The following ZFHX3 variants were observed in gnomAD, a reference collection of about 807,000 sequenced individuals.
ZFHX3 encodes zinc finger homeobox protein 3.
A neutral mutation model predicts 279.1 loss-of-function variants in ZFHX3; 42 were observed. The ratio of observed to expected loss-of-function variants is 0.15; its 90% CI spans 0.12 to 0.19. ZFHX3 has a LOEUF of 0.19. Among genes scored for constraint, ZFHX3 ranks in the 10% least tolerant of loss-of-function variants. The probability of loss-of-function intolerance (pLI) is 1.00; values close to 1 mark genes in which losing one functional copy is unlikely to be tolerated. For synonymous variants in ZFHX3, 2,293 were observed against 1,957.8 expected (o/e 1.17, Z -4.52); for missense variants, 4,981 against 4,754.0 (o/e 1.05, Z -1.40).
chr16:73,065,519 A>G (rs955014583), intron 8 of ZFHX3, among the ~76,000 whole-genome samples: 1 of 151,178 alleles, frequency 6.6e-6, no homozygotes, highest in East Asian at 1.9e-4. Flanking sequence ...GGGCGAGGGA[A>G]ATCTTTGAAA....
chr16:73,364,442 A>T (rs1365189251), intron 3 of ZFHX3, among the ~76,000 whole-genome samples: 3 of 151,966 alleles, frequency 2.0e-5, no homozygotes. Context: ...GGAACTAAAC[A>T]GAAGTATTTC....
intron 7 of ZFHX3, among the ~76,000 whole-genome samples, chr16:72,805,392 C>G (rs1281105565): frequency 1.3e-5 from 2 of 152,130 alleles, no homozygotes; most frequent in African/African-American, 4.8e-5. Flanking sequence ...GCCCACTATT[C>G]CAGGTGAAAG....
chr16:73,424,089 C>G (rs1452923758), intron 3 of ZFHX3, among the ~76,000 whole-genome samples: 3 of 152,078 alleles, frequency 2.0e-5, no homozygotes, highest in East Asian at 3.9e-4. Context: ...GAGAGCCCAC[C>G]CTACCACTAC....
At chr16:73,300,162 A>T (rs2015018231) in intron 4 of ZFHX3, among the ~76,000 whole-genome samples, 1 of 150,380 alleles carries the variant, frequency 6.6e-6, no homozygotes, top group Admixed American at 6.7e-5. Flanking sequence ...CAGGAGACTG[A>T]GGCTTGAGCC....
At chr16:72,809,060 T>C (rs760381818) in intron 7 of ZFHX3, among the ~76,000 whole-genome samples, 1 of 152,172 alleles carries the variant, frequency 6.6e-6, no homozygotes, top group Non-Finnish European at 1.5e-5. Flanking sequence ...TGTTGGTAAA[T>C]GAAGATTCAC....
intron 4 of ZFHX3, among the ~76,000 whole-genome samples, chr16:73,268,633 CCTGTCGCAA>C (rs1306206321): frequency 6.6e-6 from 1 of 152,186 alleles, no homozygotes; most frequent in Non-Finnish European, 1.5e-5. Context: ...GAAGAATAAG[CCTGTCGCAA>C]CTCCGCCAAG....
intron 1 of ZFHX3, among the ~76,000 whole-genome samples, chr16:73,773,025 C>A (rs1011782037): frequency 2.0e-5 from 3 of 152,170 alleles, no homozygotes; most frequent in African/African-American, 4.8e-5. Flanking sequence ...GATTTTGGGT[C>A]CTTAGACCCA....
intron 1 of ZFHX3, among the ~76,000 whole-genome samples, chr16:73,771,414 G>C (rs778104219): frequency 6.6e-6 from 1 of 152,098 alleles, no homozygotes; most frequent in Non-Finnish European, 1.5e-5. Context: ...CAGATGAGGA[G>C]GGCATGGACA....
intron 4 of ZFHX3, among the ~76,000 whole-genome samples, chr16:73,301,461 A>G (rs1250897259): frequency 6.6e-6 from 1 of 152,174 alleles, no homozygotes; most frequent in African/African-American, 2.4e-5. Flanking sequence ...TAGGATTTCT[A>G]GCAGCAACCC....
rs1555507732 is a variant in ZFHX3 at position 73,281,012 on chromosome 16, A to AGGAGAGGAG, written c.-1193-23877_-1193-23876insCTCCTCTCC. ...AGAAAGAAAGAGGGAAATGAAGGGA[A>AGGAGAGGAG]AGGAGAGGAGAGGAGAGGGGAGGGG... On this transcript the variant is annotated intron_variant, in intron 4 of 17. Coordinates refer to the ZFHX3 transcript ENST00000641206. 3.6e-3 allele frequency among the ~76,000 whole-genome samples: 339 copies of AGGAGAGGAG among 92,952 alleles called. 5 individuals carry two copies. The highest frequency in any genetic ancestry group is 0.035 in the Middle Eastern group (6 of 172). 61.0% of individuals were successfully genotyped at this position (92,952 alleles called of 152,430 possible). A position where few individuals can be genotyped will look rare whatever the true frequency, so the allele number is the denominator to read the frequency against.
At position 72,797,096 on chromosome 16, in the gene ZFHX3, C is replaced by G. The variant is rs138939024; in HGVS notation, c.5586G>C (p.Gln1862His). Residue 1862 changes from glutamine to histidine, a missense_variant, in exon 9 of 10, where the codon CAG becomes CAC. Transcript: ENST00000268489. ...QQQQNQLSIA[Q>H]SHSALLQPSQ... Reference sequence around the variant, plus strand: ...TTGGCTGAAGGAGGGCAGAGTGACTCTGGGCTATAGAGAGTTGGTTCTGCT... The same window carrying G: ...TTGGCTGAAGGAGGGCAGAGTGACTGTGGGCTATAGAGAGTTGGTTCTGCT... The G allele has an allele frequency of 3.7e-6, 6 of 1,613,786 alleles. No homozygotes were observed. The East Asian group carries it at 1.3e-4, about 36-fold the overall frequency.
chr16:73,424,876 A>T (rs896670249), intron 3 of ZFHX3, among the ~76,000 whole-genome samples: 1 of 151,842 alleles, frequency 6.6e-6, no homozygotes, highest in Non-Finnish European at 1.5e-5. Context: ...AAAGCAAAAG[A>T]GTTCGTTATT....
intron 7 of ZFHX3, among the ~76,000 whole-genome samples, chr16:73,113,369 CA>C (rs1334271490): frequency 6.6e-6 from 1 of 152,108 alleles, no homozygotes; most frequent in Non-Finnish European, 1.5e-5. Flanking sequence ...TGAGGATTAG[CA>C]AAAGGCCTGA....
intron 4 of ZFHX3, among the ~76,000 whole-genome samples, chr16:73,259,473 G>A (rs2013757254): frequency 6.6e-6 from 1 of 152,144 alleles, no homozygotes. Context: ...CTTCAGTTAT[G>A]TAAAATGGAG....
chr16:73,373,247 T>C lies in ZFHX3; in HGVS notation c.-1290-54911A>G, dbSNP rs561724928. Among the ~76,000 whole-genome samples, 582 of 152,290 alleles carry C rather than the reference T, an allele frequency of 3.8e-3. 2 individuals are homozygous for C. The highest frequency in any genetic ancestry group is 6.8e-3 in the Non-Finnish European group (464 of 68,030). On this transcript the variant is annotated intron_variant, in intron 3 of 17. Transcript: ENST00000641206. ...TCTCACCAATTGGGTGGCTATTCAT[T>C]TCCTAGCCCTTTGGCCGAATTGTGC... is the stretch of plus-strand genomic sequence containing the variant.
chr16:72,894,559 G>A (rs1231942883), intron 3 of ZFHX3, among the ~76,000 whole-genome samples: 4 of 152,146 alleles, frequency 2.6e-5, no homozygotes, highest in South Asian at 2.1e-4. Context: ...AGCACTCCAC[G>A]GGGCCAGTCA....
chr16:73,515,370 A>G (rs769223836), intron 2 of ZFHX3, among the ~76,000 whole-genome samples: 15 of 152,100 alleles, frequency 9.9e-5, no homozygotes, highest in Non-Finnish European at 2.1e-4. Flanking sequence ...AGTCACAAAG[A>G]TGGTGCCAAT....
intron 5 of ZFHX3, among the ~76,000 whole-genome samples, chr16:72,812,368 G>T (rs752423864): frequency 6.6e-6 from 1 of 152,106 alleles, no homozygotes; most frequent in African/African-American, 2.4e-5. Flanking sequence ...GCTGGCTTGT[G>T]GGGGGCAGTA....
At chr16:73,115,290 C>T (rs922399511) in intron 7 of ZFHX3, among the ~76,000 whole-genome samples, 4 of 148,200 alleles carry the variant, frequency 2.7e-5, no homozygotes, top group African/African-American at 9.9e-5. Context: ...CCTGTAATCC[C>T]AGCACTTTGG....
Sources: allele counts gnomAD v4.1 joint callset (sites outside exome capture counted in the v4.1 genomes callset), GRCh38; gene constraint gnomAD v4.1.1; transcripts MANE v1.5; gene names NCBI Gene and HGNC (gene_info 2026-07-23, HGNC 2026-07-21).